GLMN: variants seen among roughly 807,000 people sequenced by gnomAD.
GLMN encodes the protein glomulin, FKBP associated protein.
GLMN carries 75 observed loss-of-function variants against 87.8 expected under a neutral mutation model. That is an observed-to-expected ratio of 0.85 (90% CI 0.71 to 1.04). GLMN has a LOEUF of 1.04. Among genes scored for constraint, GLMN ranks in the 50% least tolerant of loss-of-function variants. The pLI is 0.00. For missense variants in GLMN, 588 were observed against 658.8 expected (o/e 0.89, Z 1.18); for synonymous variants, 206 against 221.6 (o/e 0.93, Z 0.63).
At chr1:92,251,156 A>G (rs1235443013) in intron 16 of GLMN, among the ~76,000 whole-genome samples, 1 of 152,240 alleles carries the variant, frequency 6.6e-6, no homozygotes, top group African/African-American at 2.4e-5. Context: ...ATTTTGAAAA[A>G]GAAGAACAAA....
chr1:92,363,670 A>G, the GLMN span: 1 of 289,214 alleles, frequency 3.5e-6, no homozygotes, highest in Non-Finnish European at 6.8e-6. Context: ...CACTTAAGAT[A>G]GCAAGACCAA....
intron 6 of GLMN, among the ~76,000 whole-genome samples, chr1:92,287,664 A>T (rs771345813): frequency 5.3e-5 from 8 of 151,982 alleles, no homozygotes; most frequent in Non-Finnish European, 8.8e-5. Context: ...AAATGTCCTA[A>T]CCTGACAAGT....
intron 16 of GLMN, among the ~76,000 whole-genome samples, chr1:92,261,920 A>G (rs1655106548): frequency 6.6e-6 from 1 of 152,192 alleles, no homozygotes; most frequent in Non-Finnish European, 1.5e-5. Context: ...ATCACTATAA[A>G]ATTCTTTCAA....
the GLMN span, among the ~76,000 whole-genome samples, chr1:92,321,944 C>CTTTTT: frequency 1.9e-5 from 2 of 106,074 alleles, no homozygotes; most frequent in African/African-American, 3.4e-5. Context: ...AATTTTCTTT[C>CTTTTT]TTTTTTTTTT....
the GLMN span, among the ~76,000 whole-genome samples, chr1:92,368,722 T>C: frequency 6.6e-6 from 1 of 152,254 alleles, no homozygotes; most frequent in Non-Finnish European, 1.5e-5. Context: ...AACCAGATGT[T>C]GTTTGATAGC....
chr1:92,354,608 A>G, the GLMN span, among the ~76,000 whole-genome samples: 4 of 152,214 alleles, frequency 2.6e-5, no homozygotes, highest in African/African-American at 9.6e-5. Flanking sequence ...AAATGCAAAC[A>G]TTAACAGGAC....
Position 92,298,954 on chromosome 1 carries a change from C to T in GLMN, c.-60G>A, listed in dbSNP as rs1213829513. On this transcript the variant is annotated 5_prime_UTR_variant, in exon 1 of 19. Coordinates refer to ENST00000370360, the MANE Select transcript of GLMN (RefSeq NM_053274.3). ...CAGAACCCTCGCCTCTCCCAGCCGC[C>T]GCCACCTCCTCCGGCGTCTTAGCCC... The T allele has an allele frequency of 1.0e-5, 5 of 496,904 alleles. No individual in the cohort carries two copies. Among genetic ancestry groups the T allele is most frequent in the South Asian group, 6.4e-5 (2 of 31,052 alleles). 30.8% of individuals were successfully genotyped at this position (496,904 alleles called of 1,614,324 possible).
chr1:92,311,825 A>C, the GLMN span, among the ~76,000 whole-genome samples: 3 of 152,340 alleles, frequency 2.0e-5, no homozygotes, highest in Admixed American at 6.5e-5. Context: ...TTATATCTTT[A>C]AAAAATAATG....
chr1:92,358,481 T>C, the GLMN span, among the ~76,000 whole-genome samples: 1 of 152,230 alleles, frequency 6.6e-6, no homozygotes, highest in African/African-American at 2.4e-5. Flanking sequence ...TATATACTTT[T>C]CTTTCTTAGC....
At chr1:92,272,613 T>C (rs1351712784) in intron 7 of GLMN, among the ~76,000 whole-genome samples, 5 of 152,130 alleles carry the variant, frequency 3.3e-5, no homozygotes, top group East Asian at 1.9e-4. Context: ...CTAGGAACAA[T>C]GCTCCACTAA....
At chr1:92,323,906 T>A in the GLMN span, 1 of 1,614,130 alleles carries the variant, frequency 6.2e-7, no homozygotes, top group Non-Finnish European at 8.5e-7. Context: ...CTAGTAGGCA[T>A]AAGTAAGAAA....
At chr1:92,301,647 C>A, upstream of GLMN, 1 of 653,776 alleles carries the variant, frequency 1.5e-6, no homozygotes, top group South Asian at 2.8e-5. Flanking sequence ...TAAATCTGTG[C>A]AGCATGAAAC....
At chr1:92,320,848 G>C in the GLMN span, among the ~76,000 whole-genome samples, 4 of 152,286 alleles carry the variant, frequency 2.6e-5, no homozygotes, top group African/African-American at 9.6e-5. Context: ...TTGTACAGCT[G>C]TTCCTCCCGA....
At chr1:92,322,792 G>C in the GLMN span, among the ~76,000 whole-genome samples, 1 of 151,198 alleles carries the variant, frequency 6.6e-6, no homozygotes, top group Non-Finnish European at 1.5e-5. Context: ...TGGGAGAATC[G>C]CTTGAACCTA....
the GLMN span, among the ~76,000 whole-genome samples, chr1:92,314,993 C>T: frequency 3.3e-5 from 5 of 150,888 alleles, no homozygotes; most frequent in Admixed American, 6.6e-5. Context: ...TGCAGTGAAC[C>T]GAGATAGTGC....
At chr1:92,258,745 G>T (rs1379955465) in intron 16 of GLMN, among the ~76,000 whole-genome samples, 1 of 152,070 alleles carries the variant, frequency 6.6e-6, no homozygotes, top group Non-Finnish European at 1.5e-5. Context: ...ACACACCGGG[G>T]CCTGTCAGGG....
chr1:92,361,657 C>T, the GLMN span, among the ~76,000 whole-genome samples: 5 of 152,298 alleles, frequency 3.3e-5, no homozygotes, highest in East Asian at 9.6e-4. Context: ...CCAAATCCAG[C>T]ATTGCCTTTT....
the GLMN span, chr1:92,304,333 A>C: frequency 6.6e-7 from 1 of 1,520,944 alleles, no homozygotes; most frequent in Non-Finnish European, 9.0e-7. Context: ...AAAGTCTATG[A>C]TATTACTGAA....
Position 92,290,225 on chromosome 1 carries a change from G to A in GLMN, c.367C>T (p.Leu123Phe). Residue 123 changes from leucine to phenylalanine, a missense_variant, in exon 5 of 19, where the codon CTT becomes TTT. Physicochemically the swap from Leu to Phe is conservative, Grantham distance 22. Coordinates refer to ENST00000370360, the MANE Select transcript of GLMN (RefSeq NM_053274.3). ...PSGKQISQSI[L>F]LLLQPLQTVI... ...GTTTGTAATGGCTGAAGCAAAAGAA[G>A]AATACTTTGGGATATCTGTTTTCCA... 6.2e-7 allele frequency: 1 copy of A among 1,604,262 alleles called. No homozygotes were observed. The highest frequency in any genetic ancestry group is 8.5e-7 in the Non-Finnish European group (1 of 1,171,324).
Sources: allele counts gnomAD v4.1 joint callset (sites outside exome capture counted in the v4.1 genomes callset), GRCh38; gene constraint gnomAD v4.1.1; transcripts MANE v1.5; gene names NCBI Gene and HGNC (gene_info 2026-07-23, HGNC 2026-07-21).